The following PCDH15 variants were observed in gnomAD, a reference collection of about 807,000 sequenced individuals.
PCDH15 encodes the protein protocadherin-15.
In PCDH15, 129 loss-of-function variants were observed where a neutral mutation model predicts 178.5. That is an observed-to-expected ratio of 0.72 (90% confidence interval 0.63 to 0.84). PCDH15 has a LOEUF of 0.84. Ranked by LOEUF, PCDH15 falls within the 40% of genes least tolerant of loss-of-function variation. The probability of loss-of-function intolerance (pLI) is 0.00; values close to 1 mark genes in which losing one functional copy is unlikely to be tolerated. For missense variants in PCDH15, 2,230 were observed against 2,099.9 expected (o/e 1.06, Z -1.21); for synonymous variants, 800 against 732.0 (o/e 1.09, Z -1.50).
intron 2 of PCDH15, among the ~76,000 whole-genome samples, chr10:55,380,401 A>G (rs1367880814): frequency 6.6e-6 from 1 of 152,214 alleles, no homozygotes; most frequent in East Asian, 1.9e-4. Flanking sequence ...GGGTCTTTCC[A>G]GTTTCTATAC....
Position 55,016,086 on chromosome 10 carries a change from AC to A in PCDH15, c.-79-118587del, listed in dbSNP as rs1279947613. Among the ~76,000 whole-genome samples, 41 of 104,850 alleles carry A rather than the reference AC, an allele frequency of 3.9e-4. 1 individual carries two copies. Among genetic ancestry groups the A allele is most frequent in the African/African-American group, 1.7e-3 (38 of 22,990 alleles). The allele number at this position is 104,850 out of a possible 152,430, so 68.8% of individuals were successfully genotyped here. A position where few individuals can be genotyped will look rare whatever the true frequency, so the allele number is the denominator to read the frequency against. On this transcript the variant is annotated intron_variant, in intron 2 of 5. Transcript: ENST00000458638. Reference sequence around the variant, plus strand: ...TGACCAAATTTTAACCACCTCAATGACCTTTTTTTTTTAAAAAAAAAAAAAA... The same window carrying A: ...TGACCAAATTTTAACCACCTCAATGACTTTTTTTTTTAAAAAAAAAAAAAA...
At chr10:53,822,994 C>T in intron 32 of PCDH15, 7 of 1,614,058 alleles carry the variant, frequency 4.3e-6, no homozygotes, top group Non-Finnish European at 5.9e-6. Context: ...GGTAAGCTGA[C>T]TGACTGACTC....
intron 8 of PCDH15, among the ~76,000 whole-genome samples, chr10:54,272,651 C>T (rs61858835): frequency 0.036 from 5,536 of 152,110 alleles, 164 homozygotes; most frequent in Admixed American, 0.09. Flanking sequence ...AAATGGGATC[C>T]GTTTTCTAAA....
chr10:54,369,082 C>G (rs373920477), intron 5 of PCDH15, 38 bp downstream of exon 5: 2 of 1,606,270 alleles, frequency 1.2e-6, no homozygotes, highest in Non-Finnish European at 1.7e-6. Flanking sequence ...ATACATATAT[C>G]AACAGAAAGG....
chr10:54,779,531 C>CATATATGTGTGTGTATATATATAT (rs1555192936), intron 1 of PCDH15, among the ~76,000 whole-genome samples: 1 of 132,700 alleles, frequency 7.5e-6, no homozygotes, highest in Non-Finnish European at 1.6e-5. Context: ...TATATACACA[C>CATATATGTGTGTGTATATATATAT]ACATATATAT....
chr10:54,447,675 G>T (rs1417754762), intron 3 of PCDH15, among the ~76,000 whole-genome samples: 1 of 151,516 alleles, frequency 6.6e-6, no homozygotes, highest in Non-Finnish European at 1.5e-5. Flanking sequence ...GCTTATAAAG[G>T]GTCAAATGGT....
chr10:54,153,124 T>C lies in PCDH15; in HGVS notation c.1760A>G (p.Asp587Gly). 1 of 1,613,888 alleles carries C rather than the reference T, an allele frequency of 6.2e-7. No individual in the cohort carries two copies. ...RTYALTVQAA[D>G]NAPPAERRNS... ...CCTTCGCTCTGCAGGAGGAGCATTA[T>C]CCGCTGCTTGGACCGTGAGTGCGTA... is the stretch of plus-strand genomic sequence containing the variant. Residue 587 changes from aspartate (D) to glycine (G), a missense_variant, in exon 14 of 38, where the codon GAT becomes GGT. Transcript: ENST00000644397.
intron 2 of PCDH15, among the ~76,000 whole-genome samples, chr10:55,088,797 A>C (rs190051073): frequency 6.6e-6 from 1 of 152,310 alleles, no homozygotes; most frequent in East Asian, 1.9e-4. Flanking sequence ...ATAAAAATAT[A>C]TTGACCAAAA....
intron 2 of PCDH15, among the ~76,000 whole-genome samples, chr10:54,999,244 C>T (rs1397595688): frequency 6.6e-6 from 1 of 152,064 alleles, no homozygotes; most frequent in African/African-American, 2.4e-5. Context: ...ATATGTTTTT[C>T]TTACCTCTGA....
chr10:54,046,552 C>T (rs566471181), intron 18 of PCDH15, among the ~76,000 whole-genome samples: 11 of 152,116 alleles, frequency 7.2e-5, no homozygotes, highest in African/African-American at 2.4e-4. Context: ...TGTTTACAGG[C>T]TTCGAAAAAA....
At chr10:53,952,767 T>C (rs2087195187) in intron 23 of PCDH15, among the ~76,000 whole-genome samples, 1 of 152,206 alleles carries the variant, frequency 6.6e-6, no homozygotes. Flanking sequence ...CAGCCCCACC[T>C]TGGCTTCTCT....
intron 1 of PCDH15, among the ~76,000 whole-genome samples, chr10:55,270,596 A>C (rs2132246195): frequency 6.6e-6 from 1 of 152,272 alleles, no homozygotes; most frequent in Admixed American, 6.5e-5. Context: ...GTGAGGTACC[A>C]TCTCACACCA....
intron 1 of PCDH15, among the ~76,000 whole-genome samples, chr10:55,204,542 T>C (rs1455397931): frequency 8.1e-6 from 1 of 122,736 alleles, no homozygotes; most frequent in Non-Finnish European, 2.0e-5. Flanking sequence ...CCATATAAAA[T>C]CTTATTGATC....
At chr10:55,210,485 C>G (rs550727422) in intron 1 of PCDH15, among the ~76,000 whole-genome samples, 7 of 151,748 alleles carry the variant, frequency 4.6e-5, no homozygotes, top group African/African-American at 1.7e-4. Context: ...GCATAGACAT[C>G]TGGTAGAAAC....
At position 54,582,541 on chromosome 10, in the gene PCDH15, G is replaced by T. The variant is rs547362029; in HGVS notation, c.92-54664C>A. The stretch of plus-strand genomic sequence containing the variant: ...GGAAATACATATATGCAAACAAAAC[G>T]GTAGGTGCTCTTATTTTCTTTTTAA... On this transcript the variant is annotated intron_variant, in intron 2 of 37. Transcript: ENST00000644397. 8.2e-4 allele frequency among the ~76,000 whole-genome samples: 125 copies of T among 152,000 alleles called. 1 individual carries two copies. The highest frequency in any genetic ancestry group is 2.9e-3 in the African/African-American group (121 of 41,464).
chr10:55,028,042 G>C (rs995236951), intron 2 of PCDH15, among the ~76,000 whole-genome samples: 1 of 151,730 alleles, frequency 6.6e-6, no homozygotes, highest in Non-Finnish European at 1.5e-5. Context: ...TCAAGCAAAG[G>C]TCAATATCAG....
chr10:54,589,919 A>C (rs997011112), intron 2 of PCDH15, among the ~76,000 whole-genome samples: 1 of 152,166 alleles, frequency 6.6e-6, no homozygotes, highest in Non-Finnish European at 1.5e-5. Flanking sequence ...AGAATAAAGA[A>C]ATATCCCCTT....
rs2076542648 is a variant in PCDH15, at chr10:53,824,534, T to TAAGAA, written c.4367+2854_4367+2858dup. Among the ~76,000 whole-genome samples the TAAGAA allele has an allele frequency of 5.3e-5, 8 of 152,158 alleles. No individual in the cohort carries two copies. The South Asian group carries it at 1.7e-3, about 32-fold the overall frequency. On this transcript the variant is annotated intron_variant, in intron 32 of 37. Coordinates refer to ENST00000644397, the MANE Select transcript of PCDH15 (RefSeq NM_001384140.1). Reference sequence around the variant, plus strand: ...TGTCTTTTGGCAAAGATACGAACTATAAGAAAGAGAAAGAAACAATTCACA... The same window carrying TAAGAA: ...TGTCTTTTGGCAAAGATACGAACTATAAGAAAAGAAAGAGAAAGAAACAATTCACA...
intron 10 of PCDH15, among the ~76,000 whole-genome samples, chr10:54,196,626 A>G (rs1330890607): frequency 6.6e-6 from 1 of 152,150 alleles, no homozygotes; most frequent in Non-Finnish European, 1.5e-5. Context: ...CTCATTTTAC[A>G]CTAATGTTTA....
Sources: allele counts gnomAD v4.1 joint callset (sites outside exome capture counted in the v4.1 genomes callset), GRCh38; gene constraint gnomAD v4.1.1; transcripts MANE v1.5; gene names NCBI Gene and HGNC (gene_info 2026-07-23, HGNC 2026-07-21).